Variants in ARHGAP23 observed in about 807,000 individuals in gnomAD.
The protein encoded by ARHGAP23 is rho GTPase-activating protein 23.
In ARHGAP23, 34 loss-of-function variants were observed where a neutral mutation model predicts 136.3. The ratio of observed to expected loss-of-function variants is 0.25; its 90% CI spans 0.19 to 0.33. The LOEUF (loss-of-function observed/expected upper bound fraction) is 0.33. Ranked by LOEUF, ARHGAP23 falls within the 10% of genes least tolerant of loss-of-function variation. ARHGAP23 has a pLI of 1.00. For missense variants in ARHGAP23, 1,808 were observed against 2,139.0 expected, an observed-to-expected ratio of 0.85 and a Z score of 3.05; for synonymous variants, 832 against 920.5, an observed-to-expected ratio of 0.90 and a Z score of 1.74.
At chr17:38,425,077 T>C (rs1221737703), upstream of ARHGAP23, among the ~76,000 whole-genome samples, 1 of 152,216 alleles carries the variant, frequency 6.6e-6, no homozygotes, top group Admixed American at 6.5e-5. Context: ...CCTGTTCCCG[T>C]TATGTGCCAC....
intron 20 of ARHGAP23, among the ~76,000 whole-genome samples, chr17:38,493,524 C>T (rs995446156): frequency 1.3e-5 from 2 of 152,172 alleles, no homozygotes; most frequent in South Asian, 2.1e-4. Context: ...GATTCATTCC[C>T]GAGAGCTAAC....
At chr17:38,486,213 T>C in intron 17 of ARHGAP23, 73 bp downstream of exon 17, 3 of 1,336,964 alleles carry the variant, frequency 2.2e-6, no homozygotes, top group Non-Finnish European at 3.1e-6. Context: ...ACTTTTGCAT[T>C]TGGTTTGTTG....
intron 20 of ARHGAP23, among the ~76,000 whole-genome samples, chr17:38,497,414 C>T (rs35779147): frequency 0.14 from 21,632 of 152,192 alleles, 2,193 homozygotes; most frequent in African/African-American, 0.29. Flanking sequence ...TGGTGCCTCC[C>T]TGCCCCCCGG....
intron 2 of ARHGAP23, among the ~76,000 whole-genome samples, 167 bp from the exon 3 acceptor site, chr17:38,460,738 G>A (rs1409636882): frequency 3.3e-5 from 5 of 152,076 alleles, no homozygotes; most frequent in Admixed American, 6.5e-5. Flanking sequence ...ACTTGGCCTC[G>A]GACTTGGTGC....
At chr17:38,462,636 A>G (rs560270035) in intron 3 of ARHGAP23, among the ~76,000 whole-genome samples, 2 of 152,238 alleles carry the variant, frequency 1.3e-5, no homozygotes, top group South Asian at 4.1e-4. Flanking sequence ...GTATGTCCCC[A>G]TAGGTTTTCT....
chr17:38,433,621 G>C (rs117331610), intron 1 of ARHGAP23, among the ~76,000 whole-genome samples: 2 of 152,166 alleles, frequency 1.3e-5, no homozygotes, highest in Admixed American at 6.5e-5. Flanking sequence ...CTATATGATA[G>C]GAAATTAGAG....
At chr17:38,426,550 C>CAAAAAAAAAAGAAAAAAAAAAAAAAAAAA (rs2038572352), upstream of ARHGAP23, among the ~76,000 whole-genome samples, 1 of 51,230 alleles carries the variant, frequency 2.0e-5, no homozygotes, top group African/African-American at 7.4e-5. Flanking sequence ...AACTCCATCT[C>CAAAAAAAAAAGAAAAAAAAAAAAAAAAAA]AAAAAAAAAA....
At chr17:38,443,544 T>C (rs893372305) in intron 1 of ARHGAP23, among the ~76,000 whole-genome samples, 14 of 152,160 alleles carry the variant, frequency 9.2e-5, no homozygotes, top group Non-Finnish European at 1.8e-4. Flanking sequence ...GGAGGCTGTT[T>C]GTCCCTGCAG....
At chr17:38,431,976 CTG>C (rs2038695320) in intron 1 of ARHGAP23, among the ~76,000 whole-genome samples, 1 of 152,188 alleles carries the variant, frequency 6.6e-6, no homozygotes, top group Non-Finnish European at 1.5e-5. Flanking sequence ...CTGTTCATCT[CTG>C]TGTCCCCAGT....
chr17:38,508,894 C>G (rs1448805846), intron 23 of ARHGAP23, among the ~76,000 whole-genome samples: 2 of 151,994 alleles, frequency 1.3e-5, no homozygotes, highest in Non-Finnish European at 2.9e-5. Flanking sequence ...AGTCCCGGAG[C>G]TCAAGTGAGT....
At chr17:38,484,419 C>T (rs1353479690) in intron 16 of ARHGAP23, among the ~76,000 whole-genome samples, 7 of 152,042 alleles carry the variant, frequency 4.6e-5, no homozygotes, top group Admixed American at 2.6e-4. Flanking sequence ...CATAAACAGG[C>T]GCTATATTGA....
rs184253865 is a variant in ARHGAP23 at position 38,469,548 on chromosome 17, C to T, written c.1829C>T (p.Ser610Phe). Reference protein sequence around the residue: ...DCSSIKAGRRSSYLLAITTER... With the variant: ...DCSSIKAGRRFSYLLAITTER... ...GGCAGCATCAAGGCTGGCCGCCGCT[C>T]CTCCTACCTGCTGGCCATCACCACG... Residue 610 changes from serine to phenylalanine, a missense_variant, in exon 9 of 24, where the codon TCC (serine) becomes TTC (phenylalanine). Coordinates refer to ENST00000622683, the MANE Select transcript of ARHGAP23 (RefSeq NM_001199417.2). 1.9e-6 allele frequency: 3 copies of T among 1,548,624 alleles called. No individual in the cohort carries two copies. The highest frequency in any genetic ancestry group is 2.4e-5 in the East Asian group (1 of 40,916).
At chr17:38,452,278 C>A (rs2039192397) in intron 1 of ARHGAP23, 1 of 149,270 alleles carries the variant, frequency 6.7e-6, no homozygotes, top group African/African-American at 2.5e-5. Flanking sequence ...CCATCTCTGT[C>A]CCTCCATCTC....
chr17:38,453,756 C>T (rs2039248288), intron 1 of ARHGAP23: 1 of 147,204 alleles, frequency 6.8e-6, no homozygotes, highest in South Asian at 2.1e-4. Flanking sequence ...CCGCGCGGGC[C>T]GTCCGTCCCT....
At chr17:38,440,729 G>A (rs1296378168) in intron 1 of ARHGAP23, among the ~76,000 whole-genome samples, 1 of 152,246 alleles carries the variant, frequency 6.6e-6, no homozygotes, top group Non-Finnish European at 1.5e-5. Context: ...GGCCGGACAG[G>A]GGCCGTGGAC....
chr17:38,425,412 G>A (rs992778610), upstream of ARHGAP23, among the ~76,000 whole-genome samples: 9 of 152,176 alleles, frequency 5.9e-5, no homozygotes, highest in Admixed American at 5.2e-4. Flanking sequence ...TTCTCCAGCC[G>A]AATGTGCTCC....
chr17:38,466,522 G>A lies in ARHGAP23; in HGVS notation c.839G>A (p.Ser280Asn), dbSNP rs1300357384. The change falls in exon 7 of 24, where the codon AGC becomes AAC. Residue 280 changes from serine (S) to asparagine (N), a missense_variant. Transcript: ENST00000622683. ...GAGCCTGGCAGCCGGGTGCCCCCCA[G>A]CAGACTGGAGTGCCAGCAGGCCTTG... is the stretch of plus-strand genomic sequence containing the variant. The part of the protein sequence containing the change: ...FPEPGSRVPP[S>N]RLECQQALSH... The A allele has an allele frequency of 2.0e-6, 3 of 1,478,040 alleles. No homozygotes were observed. Among genetic ancestry groups the A allele is most frequent in the Middle Eastern group, 1.8e-4 (1 of 5,646 alleles). The allele number at this position is 1,478,040 out of a possible 1,614,324, so 91.6% of individuals were successfully genotyped here. A position where few individuals can be genotyped will look rare whatever the true frequency, so the allele number is the denominator to read the frequency against.
chr17:38,470,757 G>A (rs1312936436), intron 10 of ARHGAP23, among the ~76,000 whole-genome samples: 1 of 151,812 alleles, frequency 6.6e-6, no homozygotes, highest in Non-Finnish European at 1.5e-5. Context: ...GACTGGTCTC[G>A]AACTCCTGAC....
Position 38,510,549 on chromosome 17 carries a change from C to T in ARHGAP23, c.4053C>T (p.Ser1351=). 1 of 1,213,152 alleles carries T rather than the reference C, an allele frequency of 8.2e-7. No homozygotes were observed. Among genetic ancestry groups the T allele is most frequent in the Non-Finnish European group, 1.0e-6 (1 of 976,286 alleles). The allele number at this position is 1,213,152 out of a possible 1,614,324, so 75.1% of individuals were successfully genotyped here. Residue 1351 remains serine (S), a synonymous_variant, in exon 24 of 24, where the codon AGC becomes AGT. Transcript: ENST00000622683. The surrounding 1 kb of genome is among the most constrained non-coding windows in gnomAD (Gnocchi z 4.6). The part of the protein sequence containing the change: ...PEPPGSASSS[S]QESLRPPAAA... ...CGCCCGGCTCGGCGTCGTCCAGCAG[C>T]CAGGAGTCGCTGCGGCCCCCGGCGG...
Sources: gnomAD v4.1 joint callset for allele counts (sites outside exome capture counted in the v4.1 genomes callset) on GRCh38, gnomAD v4.1.1 for gene constraint, Gnocchi (gnomAD v3.1) non-coding constraint, MANE v1.5 for transcripts, NCBI Gene and HGNC (gene_info 2026-07-23, HGNC 2026-07-21) for gene names.